Variants in SENP5 observed in about 807,000 individuals in gnomAD.
The protein encoded by SENP5 is sentrin-specific protease 5.
In SENP5, 21 loss-of-function variants were observed where a neutral mutation model predicts 74.2. The observed-to-expected ratio is 0.28, with a 90% confidence interval of 0.20 to 0.41. The LOEUF is 0.41. Ranked by LOEUF, SENP5 falls within the 10% of genes least tolerant of loss-of-function variation. The pLI is 1.00. For missense variants in SENP5, 717 were observed against 889.1 expected (o/e 0.81, Z 2.46); for synonymous variants, 311 against 312.7 (o/e 0.99, Z 0.06).
intron 2 of SENP5, among the ~76,000 whole-genome samples, chr3:196,888,075 A>G (rs993577610): frequency 1.3e-5 from 2 of 152,116 alleles, no homozygotes; most frequent in Admixed American, 6.5e-5. Context: ...GCCTGGCCTA[A>G]AGCTTACCTA....
intron 1 of SENP5, among the ~76,000 whole-genome samples, chr3:196,883,048 C>G (rs1199250001): frequency 6.6e-6 from 1 of 151,572 alleles, no homozygotes; most frequent in East Asian, 1.9e-4. Flanking sequence ...TGTTCGGAGT[C>G]TCATATGCAG....
chr3:196,915,998 C>T (rs747747659), intron 6 of SENP5, among the ~76,000 whole-genome samples: 25 of 152,108 alleles, frequency 1.6e-4, no homozygotes, highest in Non-Finnish European at 3.4e-4. Context: ...CTCTTGATTG[C>T]CCAGACGTCG....
chr3:196,906,615 A>AT (rs1322972725), intron 6 of SENP5, among the ~76,000 whole-genome samples: 1 of 152,228 alleles, frequency 6.6e-6, no homozygotes, highest in Non-Finnish European at 1.5e-5. Context: ...TAAATGGAGA[A>AT]TAGGGGTATG....
chr3:196,875,731 T>A (rs1713434911), intron 1 of SENP5, among the ~76,000 whole-genome samples: 1 of 152,294 alleles, frequency 6.6e-6, no homozygotes, highest in Middle Eastern at 3.4e-3. Context: ...ATTTTTATTT[T>A]ATTTTTTTAT....
At chr3:196,898,004 T>A (rs1478839390) in intron 2 of SENP5, among the ~76,000 whole-genome samples, 1 of 137,290 alleles carries the variant, frequency 7.3e-6, no homozygotes, top group Non-Finnish European at 1.6e-5. Context: ...AAACCCCGTC[T>A]CTACAAAAAA....
intron 4 of SENP5, 136 bp from the exon 5 acceptor site, chr3:196,900,229 A>T: frequency 9.7e-7 from 1 of 1,036,170 alleles, no homozygotes. Context: ...TGGCAGTAAT[A>T]ATATATTATT....
intron 2 of SENP5, among the ~76,000 whole-genome samples, chr3:196,892,418 A>T (rs1388728207): frequency 6.6e-6 from 1 of 152,228 alleles, no homozygotes; most frequent in African/African-American, 2.4e-5. Context: ...AAGTGCTGGG[A>T]TTACAGGCAT....
chr3:196,921,277 G>A (rs1019399973), intron 6 of SENP5, among the ~76,000 whole-genome samples: 1 of 152,044 alleles, frequency 6.6e-6, no homozygotes, highest in Non-Finnish European at 1.5e-5. Context: ...TATGTACATT[G>A]ACCCATCAGA....
intron 1 of SENP5, among the ~76,000 whole-genome samples, chr3:196,874,064 G>A (rs1713345924): frequency 1.3e-5 from 2 of 150,130 alleles, no homozygotes; most frequent in African/African-American, 4.9e-5. Flanking sequence ...TACTCAGAAG[G>A]CTAAGTCAGG....
intron 6 of SENP5, among the ~76,000 whole-genome samples, chr3:196,909,631 C>T (rs930624406): frequency 1.3e-5 from 2 of 152,096 alleles, no homozygotes; most frequent in African/African-American, 4.8e-5. Flanking sequence ...AAACATAATC[C>T]GTCATATAAA....
intron 2 of SENP5, among the ~76,000 whole-genome samples, chr3:196,891,643 A>T (rs1365543394): frequency 2.6e-5 from 4 of 152,222 alleles, no homozygotes; most frequent in Non-Finnish European, 5.9e-5. Flanking sequence ...TGCTACAAAA[A>T]ATAAAATTAT....
At chr3:196,927,187 A>G (rs554649866) in intron 7 of SENP5, among the ~76,000 whole-genome samples, 1 of 152,358 alleles carries the variant, frequency 6.6e-6, no homozygotes, top group Non-Finnish European at 1.5e-5. Context: ...TAAGGAGTGT[A>G]TCAGAATATC....
rs926416241 is a variant in SENP5 at position 196,932,258 on chromosome 3, A to G, written c.*1335A>G. 1.3e-5 allele frequency: 2 copies of G among 156,836 alleles called. No homozygotes were observed. The highest frequency in any genetic ancestry group is 4.8e-5 in the African/African-American group (2 of 41,506). 9.7% of individuals were successfully genotyped at this position (156,836 alleles called of 1,614,324 possible). Reference sequence around the variant, plus strand: ...AATTGGGAGGAAAACCAACCAATGTATGTATGAGAAACTCAGAAGTCTGAA... The same window carrying G: ...AATTGGGAGGAAAACCAACCAATGTGTGTATGAGAAACTCAGAAGTCTGAA... On this transcript the variant is annotated 3_prime_UTR_variant, in exon 10 of 10. Transcript: ENST00000323460.
intron 6 of SENP5, among the ~76,000 whole-genome samples, chr3:196,918,534 G>T (rs1442962794): frequency 6.6e-6 from 1 of 151,648 alleles, no homozygotes; most frequent in African/African-American, 2.4e-5. Context: ...TACAAAAAAT[G>T]AAAAGCAAGA....
intron 5 of SENP5, among the ~76,000 whole-genome samples, chr3:196,901,304 C>T (rs1714692891): frequency 6.6e-6 from 1 of 152,014 alleles, no homozygotes; most frequent in Non-Finnish European, 1.5e-5. Context: ...CTCCCCCTCC[C>T]AAAGTGCTGG....
At chr3:196,879,847 T>G (rs1160959391) in intron 1 of SENP5, among the ~76,000 whole-genome samples, 1 of 152,228 alleles carries the variant, frequency 6.6e-6, no homozygotes, top group African/African-American at 2.4e-5. Context: ...AATGTTTTAC[T>G]TTTAACTTCG....
At chr3:196,879,020 C>T (rs1357308733) in intron 1 of SENP5, among the ~76,000 whole-genome samples, 1 of 152,174 alleles carries the variant, frequency 6.6e-6, no homozygotes, top group Non-Finnish European at 1.5e-5. Context: ...CTTATCTTCC[C>T]TCCAAGATAC....
intron 2 of SENP5, among the ~76,000 whole-genome samples, chr3:196,899,349 G>A (rs1424641847): frequency 2.0e-5 from 3 of 152,092 alleles, no homozygotes; most frequent in Admixed American, 6.6e-5. Context: ...CGCTTTAAGA[G>A]AAGGTTAAGC....
intron 7 of SENP5, among the ~76,000 whole-genome samples, chr3:196,925,140 G>T (rs1715764052): frequency 6.7e-6 from 1 of 149,360 alleles, no homozygotes; most frequent in African/African-American, 2.5e-5. Flanking sequence ...AGGACTAATA[G>T]TTAAAGAGGA....
Sources: allele counts gnomAD v4.1 joint callset (sites outside exome capture counted in the v4.1 genomes callset), GRCh38; gene constraint gnomAD v4.1.1; transcripts MANE v1.5; gene names NCBI Gene and HGNC (gene_info 2026-07-23, HGNC 2026-07-21).